The following RBFOX2 variants were observed in gnomAD, a reference collection of about 807,000 sequenced individuals.
RBFOX2 encodes the protein RNA binding protein fox-1 homolog 2.
Under a neutral mutation model 49.1 loss-of-function variants are expected in RBFOX2, and 10 were observed. That is an observed-to-expected ratio of 0.20 (90% confidence interval 0.13 to 0.35). The LOEUF is 0.35. Among genes scored for constraint, RBFOX2 ranks in the 10% least tolerant of loss-of-function variants. The pLI is 1.00. For synonymous variants in RBFOX2, 183 were observed against 187.4 expected (o/e 0.98, Z 0.19); for missense variants, 323 against 486.9 (o/e 0.66, Z 3.17).
At chr22:35,797,242 T>C (rs1948947500) in intron 2 of RBFOX2, among the ~76,000 whole-genome samples, 1 of 152,178 alleles carries the variant, frequency 6.6e-6, no homozygotes, top group Admixed American at 6.5e-5. Flanking sequence ...TACTTAATAG[T>C]AACAACAAAA....
intron 1 of RBFOX2, among the ~76,000 whole-genome samples, chr22:35,856,835 C>A (rs2042568065): frequency 6.6e-6 from 1 of 152,044 alleles, no homozygotes; most frequent in African/African-American, 2.4e-5. Flanking sequence ...GAGTTTGAGA[C>A]CAGCTTGGGC....
chr22:35,845,022 T>A (rs1444692366), upstream of RBFOX2, among the ~76,000 whole-genome samples: 4 of 152,124 alleles, frequency 2.6e-5, no homozygotes, highest in African/African-American at 9.7e-5. Context: ...CCAGCACTGC[T>A]ATAAAAGTGG....
chr22:35,757,120 C>G (rs1321227142), intron 9 of RBFOX2, among the ~76,000 whole-genome samples: 4 of 150,886 alleles, frequency 2.7e-5, no homozygotes, highest in Non-Finnish European at 5.9e-5. Flanking sequence ...ATCACCCTGT[C>G]TTATTTAAAA....
intron 4 of RBFOX2, among the ~76,000 whole-genome samples, chr22:35,769,465 A>G (rs1942028156): frequency 6.6e-6 from 1 of 152,178 alleles, no homozygotes; most frequent in South Asian, 2.1e-4. Flanking sequence ...CTATATACTT[A>G]TATGACTTTC....
In RBFOX2 at chr22:35,781,807, C is replaced by G. The variant is rs1945201555; in HGVS notation, c.253-61G>C. On this transcript the variant is annotated intron_variant, in intron 2 of 11. Coordinates refer to ENST00000405409, the Ensembl canonical transcript of RBFOX2. ...ATTACTTTAAAATAATTAAAGTTAT[C>G]CCCCCACAGCAATCATCCCCAAACA... The G allele has an allele frequency of 2.5e-6, 4 of 1,595,950 alleles. No individual in the cohort carries two copies. The South Asian group carries it at 3.3e-5, about 13-fold the overall frequency.
intron 4 of RBFOX2, among the ~76,000 whole-genome samples, chr22:35,769,848 T>C (rs112755488): frequency 0.031 from 4,700 of 152,264 alleles, 115 homozygotes; most frequent in Non-Finnish European, 0.045. Context: ...TCTAAGTGAT[T>C]ATGTGGGTGG....
At chr22:35,870,392 A>G (rs2044220595) in intron 1 of RBFOX2, among the ~76,000 whole-genome samples, 1 of 152,120 alleles carries the variant, frequency 6.6e-6, no homozygotes, top group Admixed American at 6.6e-5. Flanking sequence ...GAATTGCTTG[A>G]ACCCAGGAGG....
At chr22:35,844,805 C>T (rs1417070011), upstream of RBFOX2, among the ~76,000 whole-genome samples, 1 of 152,036 alleles carries the variant, frequency 6.6e-6, no homozygotes, top group Non-Finnish European at 1.5e-5. Context: ...CGCGCCTGGC[C>T]TTACTTCAGT....
intron 1 of RBFOX2, among the ~76,000 whole-genome samples, chr22:35,919,660 C>A (rs1257209813): frequency 1.3e-5 from 2 of 152,186 alleles, no homozygotes; most frequent in East Asian, 3.8e-4. Context: ...AAAAGCCACA[C>A]ACTTTAAATG....
chr22:35,916,366 C>G (rs187936489), intron 1 of RBFOX2, among the ~76,000 whole-genome samples: 2 of 152,326 alleles, frequency 1.3e-5, no homozygotes, highest in East Asian at 3.9e-4. Context: ...ACTACAACCT[C>G]TGCCTCCCGG....
At chr22:35,763,880 G>A (rs934520721) in intron 6 of RBFOX2, among the ~76,000 whole-genome samples, 18 of 152,250 alleles carry the variant, frequency 1.2e-4, no homozygotes, top group African/African-American at 2.9e-4. Context: ...CCACTGTCAC[G>A]GAGTAAATAA....
rs150420583 is a variant in RBFOX2 at position 35,837,331 on chromosome 22, T to A, written c.27+2861A>T. On this transcript the variant is annotated intron_variant, in intron 1 of 11. Coordinates refer to ENST00000405409, the Ensembl canonical transcript of RBFOX2. ...CATCTGAAGATGCAAAGAACCTAAG[T>A]AGCAAAACAGTGAAAACACATCCAT... Among the ~76,000 whole-genome samples the A allele has an allele frequency of 1.6e-3, 245 of 152,254 alleles. 1 individual carries two copies. The highest frequency in any genetic ancestry group is 0.011 in the South Asian group (54 of 4,820).
intron 1 of RBFOX2, among the ~76,000 whole-genome samples, chr22:36,004,616 T>C (rs1192546807): frequency 6.6e-6 from 1 of 151,988 alleles, no homozygotes; most frequent in East Asian, 1.9e-4. Context: ...GCCAACACAG[T>C]GAAACCCCAT....
At chr22:35,743,067 AG>A (rs1332006825) in exon 12 of RBFOX2, 1 of 152,652 alleles carries the variant, frequency 6.6e-6, no homozygotes, top group African/African-American at 2.4e-5. Context: ...CAAAACTTCC[AG>A]GGACTACTGA....
At chr22:36,012,541 CTGCACTCCAGCCTGAGTGA>C (rs879575254) in intron 1 of RBFOX2, among the ~76,000 whole-genome samples, 4 of 152,080 alleles carry the variant, frequency 2.6e-5, no homozygotes, top group Non-Finnish European at 4.4e-5. Context: ...GATCCCACCA[CTGCACTCCAGCCTGAGTGA>C]TGCACTCCAG....
chr22:36,000,745 C>T (rs771360612), intron 1 of RBFOX2, among the ~76,000 whole-genome samples: 1 of 152,076 alleles, frequency 6.6e-6, no homozygotes, highest in Non-Finnish European at 1.5e-5. Flanking sequence ...TCTATCCTCT[C>T]GGGGCTCTTT....
rs952159921 is a variant in RBFOX2 at position 35,926,384 on chromosome 22, G to A, written c.-34+12463C>T. Reference sequence around the variant, plus strand: ...ATTCTATAATTTTCCTTTGTAAATGGCCCTATCTTTAGTCAGATAATTCTT... The same window carrying A: ...ATTCTATAATTTTCCTTTGTAAATGACCCTATCTTTAGTCAGATAATTCTT... On this transcript the variant is annotated intron_variant, in intron 1 of 13. Coordinates refer to the RBFOX2 transcript ENST00000359369. Among the ~76,000 whole-genome samples, 3 of 152,104 alleles carry A rather than the reference G, an allele frequency of 2.0e-5. No individual in the cohort carries two copies. In the East Asian group the frequency reaches 5.8e-4, roughly 29 times the overall value.
intron 2 of RBFOX2, among the ~76,000 whole-genome samples, chr22:35,806,303 TAAA>T (rs902292023): frequency 6.9e-6 from 1 of 145,694 alleles, no homozygotes; most frequent in Non-Finnish European, 1.5e-5. Flanking sequence ...AAGGAGATCT[TAAA>T]AAAAAAAACA....
At chr22:35,752,951 G>C (rs1033814812) in intron 9 of RBFOX2, among the ~76,000 whole-genome samples, 7 of 152,190 alleles carry the variant, frequency 4.6e-5, no homozygotes. Flanking sequence ...AGAATTGCTA[G>C]ATCAGTTCTC....
Sources: allele counts gnomAD v4.1 joint callset (sites outside exome capture counted in the v4.1 genomes callset), GRCh38; gene constraint gnomAD v4.1.1; transcripts MANE v1.5; gene names NCBI Gene and HGNC (gene_info 2026-07-23, HGNC 2026-07-21).